Variants in NTRK3 observed in about 807,000 individuals in gnomAD.
The protein encoded by NTRK3 is NT-3 growth factor receptor.
In NTRK3, 24 loss-of-function variants were observed where a neutral mutation model predicts 91.7. That is an observed-to-expected ratio of 0.26 (90% confidence interval 0.19 to 0.37). The LOEUF is 0.37. Ranked by LOEUF, NTRK3 falls within the 10% of genes least tolerant of loss-of-function variation. The pLI is 1.00. For missense variants in NTRK3, 880 were observed against 1,068.9 expected, an observed-to-expected ratio of 0.82 and a Z score of 2.46; for synonymous variants, 483 against 404.0, an observed-to-expected ratio of 1.20 and a Z score of -2.34.
chr15:87,933,029 G>A (rs1342124574), exon 16 of NTRK3: 2 of 1,613,960 alleles, frequency 1.2e-6, no homozygotes, highest in Admixed American at 1.7e-5. Flanking sequence ...ACTTATTCAG[G>A]TCTCCATGCT....
intron 17 of NTRK3, among the ~76,000 whole-genome samples, chr15:87,920,704 G>A (rs1208182303): frequency 1.3e-5 from 2 of 152,166 alleles, no homozygotes; most frequent in Non-Finnish European, 2.9e-5. Flanking sequence ...TGGTTTTGCA[G>A]GAGGGGGTCT....
intron 13 of NTRK3, among the ~76,000 whole-genome samples, chr15:88,118,477 C>G (rs952664863): frequency 1.3e-5 from 2 of 152,104 alleles, no homozygotes; most frequent in African/African-American, 4.8e-5. Flanking sequence ...AGCTGGCAAC[C>G]CCAGCCCCTC....
At chr15:88,129,623 C>T (rs905803873) in intron 10 of NTRK3, among the ~76,000 whole-genome samples, 1 of 152,064 alleles carries the variant, frequency 6.6e-6, no homozygotes, top group Admixed American at 6.5e-5. Flanking sequence ...GATTTCAGGG[C>T]CGGACCAGGG....
intron 5 of NTRK3, among the ~76,000 whole-genome samples, chr15:88,173,069 A>G (rs933142066): frequency 3.9e-5 from 6 of 152,216 alleles, no homozygotes; most frequent in African/African-American, 1.4e-4. Context: ...TTTGGGGTTC[A>G]ATAACACATT....
intron 3 of NTRK3, among the ~76,000 whole-genome samples, chr15:88,248,406 T>C (rs1229205122): frequency 6.6e-6 from 1 of 152,180 alleles, no homozygotes; most frequent in Non-Finnish European, 1.5e-5. Flanking sequence ...TCCCCTTATA[T>C]CCCAGCCAGG....
At chr15:88,168,315 C>G (rs2045181617) in intron 5 of NTRK3, among the ~76,000 whole-genome samples, 1 of 151,732 alleles carries the variant, frequency 6.6e-6, no homozygotes, top group South Asian at 2.1e-4. Context: ...TTCTGAGGGC[C>G]AAGCAGAGGT....
chr15:87,929,367 G>A (rs1186552712), exon 17 of NTRK3: 1 of 1,614,154 alleles, frequency 6.2e-7, no homozygotes, highest in Non-Finnish European at 8.5e-7. Context: ...ATTTGGGAGA[G>A]CCCCAGCTCA....
intron 5 of NTRK3, among the ~76,000 whole-genome samples, chr15:88,177,554 C>A (rs575858973): frequency 6.6e-6 from 1 of 152,246 alleles, no homozygotes; most frequent in South Asian, 2.1e-4. Context: ...TTGGCCTGAG[C>A]AATTTGATGG....
At chr15:87,945,835 C>G (rs2070434275) in intron 14 of NTRK3, among the ~76,000 whole-genome samples, 2 of 146,870 alleles carry the variant, frequency 1.4e-5, no homozygotes, top group Non-Finnish European at 3.0e-5. Flanking sequence ...AAAAACAGAT[C>G]TCTATTGAAA....
rs138099357 is a variant in NTRK3, at chr15:88,004,552, C to T, written c.1585+28305G>A. On this transcript the variant is annotated intron_variant, in intron 14 of 18. Transcript: ENST00000394480. ...AAAATACCAACATGTTGCCAAGCAT[C>T]ATCAAAACAGCTGTTGGAAAAAAGA... Among the ~76,000 whole-genome samples the T allele has an allele frequency of 2.0e-4, 31 of 152,298 alleles. 1 individual carries two copies. The East Asian group carries it at 5.8e-3, about 28-fold the overall frequency.
At position 87,983,224 on chromosome 15, in the gene NTRK3, T is replaced by C. The variant is rs1166274368; in HGVS notation, c.1586-42471A>G. On this transcript the variant is annotated intron_variant, in intron 14 of 18. Coordinates refer to ENST00000394480, the Ensembl canonical transcript of NTRK3. ...GAAAAAAGCATTTTGTACCCTAGCA[T>C]GGGCTGAAATACACAGGAGTGCTGG... is the stretch of plus-strand genomic sequence containing the variant. 2.0e-5 allele frequency among the ~76,000 whole-genome samples: 3 copies of C among 152,378 alleles called. No individual in the cohort carries two copies. The East Asian group carries it at 5.8e-4, about 29-fold the overall frequency.
chr15:87,875,716 C>T lies in NTRK3; in HGVS notation c.*1219G>A, dbSNP rs546376913. On this transcript the variant is annotated 3_prime_UTR_variant, in exon 19 of 19. Transcript: ENST00000394480. Reference sequence around the variant, plus strand: ...ATTCTCCCCTGCTGGCTCTCACCCACTCCACTGCTTGCTTTCCTGAAACAC... The same window carrying T: ...ATTCTCCCCTGCTGGCTCTCACCCATTCCACTGCTTGCTTTCCTGAAACAC... 1.7e-4 allele frequency: 40 copies of T among 233,196 alleles called. No individual in the cohort carries two copies. The Admixed American group carries it at 1.9e-3, about 11-fold the overall frequency. The allele number at this position is 233,196 out of a possible 1,614,324, so 14.4% of individuals were successfully genotyped here. A position where few individuals can be genotyped will look rare whatever the true frequency, so the allele number is the denominator to read the frequency against.
chr15:88,080,198 A>C (rs2047921891), intron 13 of NTRK3, among the ~76,000 whole-genome samples: 1 of 152,180 alleles, frequency 6.6e-6, no homozygotes, highest in Non-Finnish European at 1.5e-5. Flanking sequence ...GCCATCTCTG[A>C]TTATTTCCTT....
intron 13 of NTRK3, among the ~76,000 whole-genome samples, chr15:88,033,994 G>A (rs1257920293): frequency 6.6e-6 from 1 of 152,114 alleles, no homozygotes; most frequent in Non-Finnish European, 1.5e-5. Context: ...ATCAGATTGT[G>A]AGAGCTCCCC....
intron 13 of NTRK3, among the ~76,000 whole-genome samples, chr15:88,097,628 T>C (rs2049753254): frequency 6.6e-6 from 1 of 152,258 alleles, no homozygotes; most frequent in Non-Finnish European, 1.5e-5. Context: ...CTGATAATAG[T>C]ATTTGTAACT....
At position 88,164,045 on chromosome 15, in the gene NTRK3, GTGCTGGGAAA is replaced by G. The variant is rs1339006418; in HGVS notation, c.396-16652_396-16643del. ...TCAACACTAATTAGGTACCTATACTGTGCTGGGAAATGTGGGTGTACTGGGTGTATGGGGT... is the reference window on the plus strand; with the variant it reads ...TCAACACTAATTAGGTACCTATACTGTGTGGGTGTACTGGGTGTATGGGGT... On this transcript the variant is annotated intron_variant, in intron 5 of 18. Transcript: ENST00000394480. 9.8e-5 allele frequency among the ~76,000 whole-genome samples: 15 copies of G among 152,332 alleles called. 1 individual carries two copies. The highest frequency in any genetic ancestry group is 3.6e-4 in the African/African-American group (15 of 41,572).
chr15:88,136,986 G>C (rs953862394), intron 7 of NTRK3, among the ~76,000 whole-genome samples: 11 of 152,132 alleles, frequency 7.2e-5, no homozygotes, highest in African/African-American at 2.7e-4. Flanking sequence ...AGATTTCTGG[G>C]ACCCATCCCC....
chr15:87,974,054 A>G (rs2080034089), intron 14 of NTRK3, among the ~76,000 whole-genome samples: 2 of 152,140 alleles, frequency 1.3e-5, no homozygotes, highest in Non-Finnish European at 2.9e-5. Context: ...CGCGGCATCC[A>G]ACCCTCCCTT....
intron 6 of NTRK3, among the ~76,000 whole-genome samples, chr15:88,144,797 T>C (rs1321488741): frequency 6.6e-6 from 1 of 152,130 alleles, no homozygotes; most frequent in African/African-American, 2.4e-5. Flanking sequence ...TTCCTTCTCC[T>C]TCTGCCCTAC....
Sources: gnomAD v4.1 joint callset for allele counts (sites outside exome capture counted in the v4.1 genomes callset) on GRCh38, gnomAD v4.1.1 for gene constraint, MANE v1.5 for transcripts, NCBI Gene and HGNC (gene_info 2026-07-23, HGNC 2026-07-21) for gene names.